The following C12orf42 variants were observed in gnomAD, a reference collection of about 807,000 sequenced individuals.
C12orf42 encodes the protein chromosome 12 open reading frame 42.
In C12orf42, 25 loss-of-function variants were observed where a neutral mutation model predicts 21.6. That is an observed-to-expected ratio of 1.16 (90% CI 0.84 to 1.62). C12orf42 has a LOEUF of 1.62. Ranked by LOEUF, C12orf42 falls within the 40% of genes most tolerant of loss-of-function variation. The probability of loss-of-function intolerance (pLI) is 0.00; values close to 1 mark genes in which losing one functional copy is unlikely to be tolerated. For synonymous variants in C12orf42, 174 were observed against 175.0 expected (o/e 0.99, Z 0.05); for missense variants, 483 against 459.3 (o/e 1.05, Z -0.47).
At chr12:103,401,451 G>T (rs1318747145) in intron 3 of C12orf42, among the ~76,000 whole-genome samples, 156 bp downstream of exon 3, 1 of 152,170 alleles carries the variant, frequency 6.6e-6, no homozygotes, top group African/African-American at 2.4e-5. Context: ...TCTAGGAAAT[G>T]TCTTTTAACA....
intron 4 of C12orf42, among the ~76,000 whole-genome samples, chr12:103,354,749 T>C (rs1034829823): frequency 1.3e-5 from 2 of 152,104 alleles, no homozygotes; most frequent in African/African-American, 4.8e-5. Context: ...GTAGAGATGG[T>C]GTCTCACTAT....
At chr12:103,148,637 T>C in the C12orf42 span, among the ~76,000 whole-genome samples, 1 of 77,746 alleles carries the variant, frequency 1.3e-5, no homozygotes, top group Non-Finnish European at 2.4e-5. Flanking sequence ...TAAAATGTAA[T>C]ATCTTAGAAT....
At chr12:103,058,902 A>G in the C12orf42 span, among the ~76,000 whole-genome samples, 2 of 152,180 alleles carry the variant, frequency 1.3e-5, no homozygotes, top group African/African-American at 4.8e-5. Flanking sequence ...TTGACACCCT[A>G]ACATCACAAT....
intron 4 of C12orf42, among the ~76,000 whole-genome samples, chr12:103,285,850 C>G (rs1457947659): frequency 1.3e-5 from 2 of 152,280 alleles, no homozygotes; most frequent in Admixed American, 6.5e-5. Flanking sequence ...GAAAATATAA[C>G]TCTGTGAAAG....
chr12:103,094,557 C>T, the C12orf42 span, among the ~76,000 whole-genome samples: 1 of 152,142 alleles, frequency 6.6e-6, no homozygotes, highest in African/African-American at 2.4e-5. Context: ...TCATCTCTTC[C>T]TCCTCTGACT....
intron 4 of C12orf42, among the ~76,000 whole-genome samples, chr12:103,328,880 T>C (rs1225704148): frequency 6.6e-6 from 1 of 152,220 alleles, no homozygotes; most frequent in African/African-American, 2.4e-5. Flanking sequence ...TCTGTATTCT[T>C]GAACATTTCT....
chr12:103,360,893 T>C (rs2044035758), intron 4 of C12orf42, among the ~76,000 whole-genome samples: 1 of 152,154 alleles, frequency 6.6e-6, no homozygotes. Flanking sequence ...CCATAAAATA[T>C]ATTACTCTGA....
At chr12:103,373,569 T>C (rs2045445444) in intron 3 of C12orf42, among the ~76,000 whole-genome samples, 1 of 152,184 alleles carries the variant, frequency 6.6e-6, no homozygotes. Flanking sequence ...AAAGGAAGTT[T>C]CAACTTTAGG....
chr12:103,158,740 C>T, the C12orf42 span, among the ~76,000 whole-genome samples: 2 of 151,820 alleles, frequency 1.3e-5, no homozygotes, highest in South Asian at 2.1e-4. Flanking sequence ...ATTAGCTGGG[C>T]GTGGTGGCAG....
the C12orf42 span, among the ~76,000 whole-genome samples, chr12:103,161,136 C>T: frequency 1.2e-4 from 18 of 152,318 alleles, no homozygotes; most frequent in Admixed American, 1.1e-3. Flanking sequence ...AGGCTTTCCA[C>T]TCTTGTGATT....
chr12:103,166,076 A>AGAAGGAAGGAAGGAAG, the C12orf42 span, among the ~76,000 whole-genome samples: 252 of 150,922 alleles, frequency 1.7e-3, 1 homozygote, highest in South Asian at 0.013. Context: ...AGAGAGAGAG[A>AGAAGGAAGGAAGGAAG]GAAGGAAGGA....
At chr12:103,244,187 C>T (rs2033898041) in intron 10 of C12orf42, among the ~76,000 whole-genome samples, 2 of 152,094 alleles carry the variant, frequency 1.3e-5, no homozygotes. Context: ...CATGAACTTT[C>T]TAGTCCCATA....
chr12:103,441,151 T>C (rs1262222753), intron 2 of C12orf42, among the ~76,000 whole-genome samples: 1 of 152,154 alleles, frequency 6.6e-6, no homozygotes. Flanking sequence ...AAGTATTATA[T>C]TTTCCAAACA....
At chr12:103,385,590 A>G (rs1258820895) in intron 3 of C12orf42, among the ~76,000 whole-genome samples, 2 of 152,130 alleles carry the variant, frequency 1.3e-5, no homozygotes, top group Admixed American at 6.5e-5. Flanking sequence ...AATGTTTTTA[A>G]ATGGTAATAA....
At chr12:103,468,220 A>T (rs2137813930) in intron 2 of C12orf42, among the ~76,000 whole-genome samples, 1 of 152,310 alleles carries the variant, frequency 6.6e-6, no homozygotes, top group Non-Finnish European at 1.5e-5. Context: ...CCTGATTTTG[A>T]GCCTGCTTTC....
intron 4 of C12orf42, among the ~76,000 whole-genome samples, chr12:103,357,115 G>A (rs986110691): frequency 7.0e-6 from 1 of 143,636 alleles, no homozygotes; most frequent in African/African-American, 2.6e-5. Flanking sequence ...CATGGACACA[G>A]GAAGGGGAAC....
chr12:103,255,852 C>A (rs1283105642), intron 10 of C12orf42, among the ~76,000 whole-genome samples: 1 of 150,548 alleles, frequency 6.6e-6, no homozygotes, highest in Non-Finnish European at 1.5e-5. Context: ...GAGATCGACA[C>A]CATCCTGGCT....
At chr12:103,262,509 G>A (rs756753518) in intron 10 of C12orf42, 2 of 152,142 alleles carry the variant, frequency 1.3e-5, no homozygotes, top group Non-Finnish European at 1.5e-5. Context: ...AGTTATTTCT[G>A]AGTATTACAA....
At chr12:103,213,111 A>T in the C12orf42 span, among the ~76,000 whole-genome samples, 3 of 152,200 alleles carry the variant, frequency 2.0e-5, no homozygotes, top group African/African-American at 7.2e-5. Context: ...AATTAAAAAA[A>T]ATATTTTAGG....
Sources: allele counts gnomAD v4.1 joint callset (sites outside exome capture counted in the v4.1 genomes callset), GRCh38; gene constraint gnomAD v4.1.1; transcripts MANE v1.5; gene names NCBI Gene and HGNC (gene_info 2026-07-23, HGNC 2026-07-21).